The following DUOX1 variants were observed in gnomAD, a reference collection of about 807,000 sequenced individuals.
DUOX1 encodes the protein NADPH thyroid oxidase 1.
In DUOX1, 134 loss-of-function variants were observed where a neutral mutation model predicts 181.8. The ratio of observed to expected loss-of-function variants is 0.74; its 90% CI spans 0.64 to 0.85. DUOX1 has a LOEUF of 0.85. DUOX1 is among the 40% of genes least tolerant of loss of function. The probability of loss-of-function intolerance (pLI) is 0.00; values close to 1 mark genes in which losing one functional copy is unlikely to be tolerated. For missense variants in DUOX1, 1,814 were observed against 2,064.4 expected, an observed-to-expected ratio of 0.88 and a Z score of 2.35; for synonymous variants, 798 against 832.5, an observed-to-expected ratio of 0.96 and a Z score of 0.71.
At chr15:45,152,210 C>G (rs1817584470) in intron 24 of DUOX1, 76 bp from the exon 25 acceptor site, 1 of 1,480,678 alleles carries the variant, frequency 6.8e-7, no homozygotes, top group South Asian at 1.3e-5. Flanking sequence ...TGGCAGCCGG[C>G]CAGGGCCTAC....
At chr15:45,155,117 A>C (rs149163759) in intron 27 of DUOX1, among the ~76,000 whole-genome samples, 32 of 152,392 alleles carry the variant, frequency 2.1e-4, no homozygotes, top group African/African-American at 7.5e-4. Context: ...CACCCTCTGC[A>C]TCCATTCATT....
At position 45,150,855 on chromosome 15, in the gene DUOX1, G is replaced by T. The variant is rs569896133; in HGVS notation, c.2888+154G>T. On this transcript the variant is annotated intron_variant, in intron 22 of 33. Coordinates refer to ENST00000389037, the MANE Select transcript of DUOX1 (RefSeq NM_175940.3). ...TTTCTCTAGGCAGACACAGCCCTGT[G>T]CCAGGGCAAGCAGAAAGCCTGCTGG... Among the ~76,000 whole-genome samples the T allele has an allele frequency of 4.7e-4, 71 of 152,196 alleles. 1 individual carries two copies. The highest frequency in any genetic ancestry group is 8.4e-4 in the Non-Finnish European group (57 of 68,024).
chr15:45,163,882 G>C lies in DUOX1; in HGVS notation c.4497G>C (p.Glu1499Asp). The part of the protein sequence containing the change: ...SITHFGRPPF[E>D]PFFNSLQEVH... ...CCCACTTTGGCCGTCCCCCCTTTGAGCCCTTCTTCAACTCCCTGCAGGAGG... is the reference window on the plus strand; with the variant it reads ...CCCACTTTGGCCGTCCCCCCTTTGACCCCTTCTTCAACTCCCTGCAGGAGG... Residue 1499 changes from glutamate (E) to aspartate (D), a missense_variant, in exon 33 of 34, where the codon GAG becomes GAC. Physicochemically the swap from Glu to Asp is conservative, Grantham distance 45. This residue lies in a region of DUOX1 where 124 missense variants were observed against 125.7 expected (regional missense o/e 0.99). Coordinates refer to ENST00000389037, the MANE Select transcript of DUOX1 (RefSeq NM_175940.3). 1 of 1,614,098 alleles carries C rather than the reference G, an allele frequency of 6.2e-7. No individual in the cohort carries two copies. The highest frequency in any genetic ancestry group is 8.5e-7 in the Non-Finnish European group (1 of 1,180,012).
intron 2 of DUOX1, 47 bp downstream of exon 2, chr15:45,132,071 A>T: frequency 6.6e-7 from 1 of 1,521,712 alleles, no homozygotes; most frequent in Non-Finnish European, 8.9e-7. Flanking sequence ...AGAGGAACCC[A>T]GCATCCTCTG....
intron 3 of DUOX1, 33 bp downstream of exon 3, chr15:45,133,980 G>A (rs763681344): frequency 7.5e-6 from 12 of 1,605,880 alleles, no homozygotes; most frequent in Non-Finnish European, 1.0e-5. Context: ...TAGAACCCCA[G>A]GGCCAGGGGG....
chr15:45,133,722 G>A (rs1430614363), intron 2 of DUOX1, 142 bp from the exon 3 acceptor site: 9 of 706,748 alleles, frequency 1.3e-5, no homozygotes, highest in Non-Finnish European at 2.0e-5. Flanking sequence ...TTTTCCCTCT[G>A]CACCCTACCT....
chr15:45,150,757 C>A (rs918071099), intron 22 of DUOX1, 56 bp downstream of exon 22: 12 of 1,553,232 alleles, frequency 7.7e-6, no homozygotes, highest in Non-Finnish European at 9.8e-6. Flanking sequence ...CCATTTCTCT[C>A]CCCTGAATGG....
Position 45,144,174 on chromosome 15 carries a change from T to C in DUOX1, c.2075T>C (p.Val692Ala). The C allele has an allele frequency of 6.2e-7, 1 of 1,614,182 alleles. No individual in the cohort carries two copies. Among genetic ancestry groups the C allele is most frequent in the Non-Finnish European group, 8.5e-7 (1 of 1,180,046 alleles). ...QLQPPQKVNFVLSSNRGRRTL... is the reference protein window; with the variant it reads ...QLQPPQKVNFALSSNRGRRTL... Reference sequence around the variant, plus strand: ...CAGCCTCCACAGAAGGTCAACTTCGTCCTGTCCAGCAACCGTGGACGCCGC... The same window carrying C: ...CAGCCTCCACAGAAGGTCAACTTCGCCCTGTCCAGCAACCGTGGACGCCGC... The change falls in exon 17 of 34, where the codon GTC (valine) becomes GCC (alanine). Residue 692 changes from valine to alanine, a missense_variant. Around this residue, in one of 5 missense-constraint regions of DUOX1, gnomAD observed 1,064 missense variants for 1,152.9 expected, o/e 0.92. Coordinates refer to ENST00000389037, the MANE Select transcript of DUOX1 (RefSeq NM_175940.3).
chr15:45,152,138 C>T (rs1340876234), intron 24 of DUOX1, 86 bp downstream of exon 24: 1 of 1,526,076 alleles, frequency 6.6e-7, no homozygotes, highest in East Asian at 2.4e-5. Flanking sequence ...TAAGTGCCAG[C>T]CCTGGGTAGG....
chr15:45,135,344 G>C, intron 5 of DUOX1, 53 bp downstream of exon 5: 1 of 1,522,836 alleles, frequency 6.6e-7, no homozygotes, highest in African/African-American at 1.4e-5. Context: ...GGTGGGACCT[G>C]GGCTTCGGGC....
At chr15:45,141,459 C>G in intron 14 of DUOX1, 49 bp downstream of exon 14, 1 of 1,573,184 alleles carries the variant, frequency 6.4e-7, no homozygotes, top group Non-Finnish European at 8.7e-7. Flanking sequence ...GGAGCCTCGT[C>G]CCTCTTCAGC....
Position 45,165,032 on chromosome 15 carries a change from G to T in DUOX1, c.*131G>T. ...CCACCTCCCAACCTTGTTCCAGGTGGCCATAGTCAGTCACCATGTGTGGGC... is the reference window on the plus strand; with the variant it reads ...CCACCTCCCAACCTTGTTCCAGGTGTCCATAGTCAGTCACCATGTGTGGGC... On this transcript the variant is annotated 3_prime_UTR_variant, in exon 34 of 34. Transcript: ENST00000389037. 9.3e-7 allele frequency: 1 copy of T among 1,069,602 alleles called. No homozygotes were observed. 66.3% of individuals were successfully genotyped at this position (1,069,602 alleles called of 1,614,324 possible).
At chr15:45,159,841 A>G (rs1386873401) in intron 28 of DUOX1, among the ~76,000 whole-genome samples, 1 of 152,198 alleles carries the variant, frequency 6.6e-6, no homozygotes, top group Non-Finnish European at 1.5e-5. Context: ...GACAGTAAAC[A>G]TGTAAATGAA....
chr15:45,160,711 A>G (rs1437716873), intron 28 of DUOX1, 126 bp from the exon 29 acceptor site: 4 of 1,251,512 alleles, frequency 3.2e-6, no homozygotes, highest in Non-Finnish European at 4.4e-6. Context: ...TAGAAGGAGC[A>G]TGGTACGTGG....
intron 2 of DUOX1, among the ~76,000 whole-genome samples, chr15:45,132,936 C>G (rs372013964): frequency 6.6e-6 from 1 of 152,162 alleles, no homozygotes. Flanking sequence ...GCTCAAACAT[C>G]AGGCCCTGAG....
Position 45,160,925 on chromosome 15 carries a change from A to C in DUOX1, c.3791A>C (p.Lys1264Thr). 6.2e-7 allele frequency: 1 copy of C among 1,614,148 alleles called. No homozygotes were observed. Among genetic ancestry groups the C allele is most frequent in the Non-Finnish European group, 8.5e-7 (1 of 1,180,018 alleles). The stretch of plus-strand genomic sequence containing the variant: ...CCAGCAATCATCTATGGGGGCGACA[A>C]GCTGGTGAGCCTGAGCCGGAAGAAG... ...LVPAIIYGGD[K>T]LVSLSRKKVE... Residue 1264 changes from lysine (K) to threonine (T), a missense_variant, in exon 29 of 34, where the codon AAG becomes ACG. Lys to Thr is a moderately conservative substitution (Grantham distance 78, BLOSUM62 -1). This residue lies in a region of DUOX1 where 279 missense variants were observed against 381.9 expected (regional missense o/e 0.73). Transcript: ENST00000389037.
At chr15:45,130,920 C>G (rs1896114618) in intron 1 of DUOX1, among the ~76,000 whole-genome samples, 1 of 152,236 alleles carries the variant, frequency 6.6e-6, no homozygotes, top group African/African-American at 2.4e-5. Flanking sequence ...CCCAGCTCTT[C>G]ATGCACTATT....
rs762915575 is a variant in DUOX1 at position 45,137,874 on chromosome 15, A to T, written c.1023-50A>T. ...TCAGAGACCAGAACTGATGCCTGAC[A>T]TTATAACCCCATTATCTCAATCACC... On this transcript the variant is annotated intron_variant, in intron 9 of 33. Coordinates refer to ENST00000389037, the MANE Select transcript of DUOX1 (RefSeq NM_175940.3). 2.8e-6 allele frequency: 4 copies of T among 1,451,818 alleles called. No individual in the cohort carries two copies. In the South Asian group the frequency reaches 5.2e-5, roughly 19 times the overall value. 89.9% of individuals were successfully genotyped at this position (1,451,818 alleles called of 1,614,324 possible). A position where few individuals can be genotyped will look rare whatever the true frequency, so the allele number is the denominator to read the frequency against.
Position 45,153,429 on chromosome 15 carries a change from C to T in DUOX1, c.3474C>T (p.Ser1158=). The T allele has an allele frequency of 6.2e-7, 1 of 1,613,810 alleles. No individual in the cohort carries two copies. The highest frequency in any genetic ancestry group is 8.5e-7 in the Non-Finnish European group (1 of 1,179,968). Residue 1158 remains serine, a synonymous_variant, in exon 26 of 34, where the codon AGC becomes AGT. Coordinates refer to ENST00000389037, the MANE Select transcript of DUOX1 (RefSeq NM_175940.3). ...HVVNVYLFSI[S]PLSVLSCLFP... The stretch of plus-strand genomic sequence containing the variant: ...TGAATGTGTACCTGTTCTCCATCAG[C>T]CCCCTCAGCGTCCTCTCTTGCCTCT...
Sources: gnomAD v4.1 joint callset for allele counts (sites outside exome capture counted in the v4.1 genomes callset) on GRCh38, gnomAD v4.1.1 for gene constraint, gnomAD v4.1.1 regional missense constraint, MANE v1.5 for transcripts, NCBI Gene and HGNC (gene_info 2026-07-23, HGNC 2026-07-21) for gene names.